Variants in GXYLT1 observed in about 807,000 individuals in gnomAD.
GXYLT1 encodes the protein glucoside xylosyltransferase 1.
Under a neutral mutation model 54.0 loss-of-function variants are expected in GXYLT1, and 29 were observed. The observed-to-expected ratio is 0.54, with a 90% CI of 0.40 to 0.73. The LOEUF is 0.73. GXYLT1 is among the 30% of genes least tolerant of loss of function. The probability of loss-of-function intolerance (pLI) is 0.00; values close to 1 mark genes in which losing one functional copy is unlikely to be tolerated. For synonymous variants in GXYLT1, 176 were observed against 204.1 expected, an observed-to-expected ratio of 0.86 and a Z score of 1.17; for missense variants, 490 against 553.4, an observed-to-expected ratio of 0.89 and a Z score of 1.15.
chr12:42,108,384 A>T lies in GXYLT1; in HGVS notation c.612+1182T>A, dbSNP rs2065433020. On this transcript the variant is annotated intron_variant, in intron 4 of 7. Coordinates refer to ENST00000398675, the MANE Select transcript of GXYLT1 (RefSeq NM_173601.2). ...TGTCTGTCTCCCACATCAGACAACAAGCTCTATGAAAAGAGGAAACCTGTG... is the reference window on the plus strand; with the variant it reads ...TGTCTGTCTCCCACATCAGACAACATGCTCTATGAAAAGAGGAAACCTGTG... 2.6e-5 allele frequency among the ~76,000 whole-genome samples: 4 copies of T among 152,332 alleles called. 1 individual carries two copies. The South Asian group carries it at 8.3e-4, about 32-fold the overall frequency.
At chr12:42,101,282 A>T (rs1300500373) in intron 5 of GXYLT1, among the ~76,000 whole-genome samples, 2 of 152,204 alleles carry the variant, frequency 1.3e-5, no homozygotes, top group Admixed American at 6.5e-5. Context: ...AAGAAGAAAC[A>T]GAAATGGCTA....
intron 4 of GXYLT1, among the ~76,000 whole-genome samples, chr12:42,106,976 AC>A (rs766599339): frequency 6.6e-6 from 1 of 151,740 alleles, no homozygotes; most frequent in Non-Finnish European, 1.5e-5. Context: ...TAAACTCCTG[AC>A]CTCAAATGAT....
intron 6 of GXYLT1, 74 bp from the exon 7 acceptor site, chr12:42,097,688 A>T: frequency 2.2e-6 from 3 of 1,357,464 alleles, no homozygotes; most frequent in Non-Finnish European, 3.1e-6. Flanking sequence ...CAAAACTTTC[A>T]GTTAAAAAAT....
At chr12:42,095,433 T>A (rs2065350150) in intron 7 of GXYLT1, among the ~76,000 whole-genome samples, 1 of 146,156 alleles carries the variant, frequency 6.8e-6, no homozygotes. Context: ...CCATACAGTT[T>A]AAAAAAAAAA....
chr12:42,098,149 ACT>A, intron 5 of GXYLT1, 116 bp from the exon 6 acceptor site: 1 of 878,864 alleles, frequency 1.1e-6, no homozygotes, highest in Non-Finnish European at 1.8e-6. Context: ...AGAAATGCAA[ACT>A]CCTCACAATA....
chr12:42,119,265 ATGT>A, intron 2 of GXYLT1, 94 bp from the exon 3 acceptor site: 6 of 1,018,660 alleles, frequency 5.9e-6, no homozygotes, highest in Non-Finnish European at 8.9e-6. Flanking sequence ...TCAAAGCCAG[ATGT>A]TGTGACTCAT....
chr12:42,126,149 C>T (rs2065560646), intron 2 of GXYLT1, among the ~76,000 whole-genome samples: 1 of 151,020 alleles, frequency 6.6e-6, no homozygotes, highest in Non-Finnish European at 1.5e-5. Flanking sequence ...TATTGGTTCA[C>T]TGCAACCTCT....
At chr12:42,119,633 T>C (rs1046839372) in intron 2 of GXYLT1, among the ~76,000 whole-genome samples, 1 of 151,476 alleles carries the variant, frequency 6.6e-6, no homozygotes, top group African/African-American at 2.4e-5. Flanking sequence ...CATACCGAGA[T>C]CCCATCCCTA....
rs543865593 is a variant in GXYLT1 at position 42,129,935 on chromosome 12, C to T, written c.222-84G>A. 3.8e-6 allele frequency: 3 copies of T among 799,926 alleles called. No individual in the cohort carries two copies. In the South Asian group the frequency reaches 4.8e-5, roughly 13 times the overall value. 49.6% of individuals were successfully genotyped at this position (799,926 alleles called of 1,614,324 possible). On this transcript the variant is annotated intron_variant, in intron 1 of 7. Transcript: ENST00000398675. ...AGGAATTTACTCAGTAACACGATAA[C>T]TTACTGTTCTATTTTAAAGCAAATA...
intron 3 of GXYLT1, among the ~76,000 whole-genome samples, chr12:42,114,063 C>G (rs1047494243): frequency 7.9e-5 from 12 of 152,146 alleles, no homozygotes; most frequent in East Asian, 1.9e-4. Context: ...CAGAAATAAA[C>G]ATGTTCTTTG....
At chr12:42,140,817 C>T (rs1225297118) in intron 1 of GXYLT1, among the ~76,000 whole-genome samples, 2 of 152,226 alleles carry the variant, frequency 1.3e-5, no homozygotes, top group Non-Finnish European at 2.9e-5. Context: ...TGATTCCCCA[C>T]TACCAATACT....
At chr12:42,133,430 T>C (rs2065603650) in intron 1 of GXYLT1, among the ~76,000 whole-genome samples, 1 of 152,152 alleles carries the variant, frequency 6.6e-6, no homozygotes, top group African/African-American at 2.4e-5. Flanking sequence ...TCCTATTTCT[T>C]GGAACACTCT....
chr12:42,131,195 T>C (rs2065592216), intron 1 of GXYLT1, among the ~76,000 whole-genome samples: 1 of 152,144 alleles, frequency 6.6e-6, no homozygotes, highest in Non-Finnish European at 1.5e-5. Context: ...AAAATAATAG[T>C]CTAAAAGTCA....
At chr12:42,141,211 T>A (rs142671411) in intron 1 of GXYLT1, among the ~76,000 whole-genome samples, 1 of 152,278 alleles carries the variant, frequency 6.6e-6, no homozygotes, top group East Asian at 1.9e-4. Flanking sequence ...ATGACAGCCT[T>A]TTCCTAGGAT....
intron 2 of GXYLT1, among the ~76,000 whole-genome samples, chr12:42,125,276 A>G (rs765225088): frequency 2.6e-5 from 4 of 152,206 alleles, no homozygotes; most frequent in Non-Finnish European, 4.4e-5. Context: ...CAGATGAAGG[A>G]AAGTCTGAGG....
Position 42,144,717 on chromosome 12 carries a change from C to A in GXYLT1, c.-71G>T. ...CGACGAACTGGAGCGGAGGGAGGGGCACCGCGCAGCCGCGGGCGCAACAAG... is the reference window on the plus strand; with the variant it reads ...CGACGAACTGGAGCGGAGGGAGGGGAACCGCGCAGCCGCGGGCGCAACAAG... On this transcript the variant is annotated 5_prime_UTR_variant, in exon 1 of 8. Coordinates refer to ENST00000398675, the MANE Select transcript of GXYLT1 (RefSeq NM_173601.2). The A allele has an allele frequency of 8.4e-7, 1 of 1,193,092 alleles. No homozygotes were observed. Among genetic ancestry groups the A allele is most frequent in the Non-Finnish European group, 1.1e-6 (1 of 924,174 alleles). 73.9% of individuals were successfully genotyped at this position (1,193,092 alleles called of 1,614,324 possible).
rs2065418612 is a variant in GXYLT1, at chr12:42,106,011, C to T, written c.671G>A (p.Arg224Gln). The change falls in exon 5 of 8, where the codon CGA becomes CAA. Residue 224 changes from arginine to glutamine, a missense_variant. Physicochemically the swap from Arg to Gln is conservative, Grantham distance 43. Around this residue, in one of 2 missense-constraint regions of GXYLT1, gnomAD observed 342 missense variants for 342.6 expected, o/e 1.00. Transcript: ENST00000398675. Reference sequence around the variant, plus strand: ...TAAAGACCAAATATCATCAACTGGTCGTAAAAAAAGGATATCAGTGTCGAC... The same window carrying T: ...TAAAGACCAAATATCATCAACTGGTTGTAAAAAAAGGATATCAGTGTCGAC... ...LYVDTDILFLRPVDDIWSLLK... is the reference protein window; with the variant it reads ...LYVDTDILFLQPVDDIWSLLK... 7 of 1,566,494 alleles carry T rather than the reference C, an allele frequency of 4.5e-6. No individual in the cohort carries two copies. Among genetic ancestry groups the T allele is most frequent in the East Asian group, 2.3e-5 (1 of 42,698 alleles).
At chr12:42,108,543 C>T (rs1371825146) in intron 4 of GXYLT1, among the ~76,000 whole-genome samples, 6 of 152,164 alleles carry the variant, frequency 3.9e-5, no homozygotes, top group East Asian at 1.9e-4. Flanking sequence ...ACAAAACCTA[C>T]GTGAAGTATC....
chr12:42,097,923 A>G lies in GXYLT1; in HGVS notation c.975T>C (p.Phe325=). ...WGDQDLLNIV[F]FHNPESLFVF... is the part of the protein sequence containing the mutation. Reference sequence around the variant, plus strand: ...TTAAATAATTACCTGGATTATGAAAAAACACGATATTCAATAGATCTTGAT... The same window carrying G: ...TTAAATAATTACCTGGATTATGAAAGAACACGATATTCAATAGATCTTGAT... The change falls in exon 6 of 8, where the codon TTT becomes TTC. Residue 325 remains phenylalanine (F), a synonymous_variant. Coordinates refer to ENST00000398675, the MANE Select transcript of GXYLT1 (RefSeq NM_173601.2). 2 of 1,589,324 alleles carry G rather than the reference A, an allele frequency of 1.3e-6. No homozygotes were observed. The highest frequency in any genetic ancestry group is 1.7e-6 in the Non-Finnish European group (2 of 1,166,128).
Sources: allele counts gnomAD v4.1 joint callset (sites outside exome capture counted in the v4.1 genomes callset), GRCh38; gene constraint gnomAD v4.1.1; regional missense constraint gnomAD v4.1.1; transcripts MANE v1.5; gene names NCBI Gene and HGNC (gene_info 2026-07-23, HGNC 2026-07-21).